The following ALG2 variants were observed in gnomAD, a reference collection of about 807,000 sequenced individuals.
ALG2 encodes the protein ALG2 alpha-1,3/1,6-mannosyltransferase.
ALG2 carries 32 observed loss-of-function variants against 30.5 expected under a neutral mutation model. The observed-to-expected ratio is 1.05, with a 90% confidence interval of 0.79 to 1.41. The LOEUF (loss-of-function observed/expected upper bound fraction) is 1.41, where lower values mean the gene tolerates loss of function less well. ALG2 is among the 40% of genes most tolerant of loss of function. The pLI is 0.00. For synonymous variants in ALG2, 253 were observed against 224.8 expected (o/e 1.13, Z -1.12); for missense variants, 574 against 526.4 (o/e 1.09, Z -0.88).
intron 1 of ALG2, 55 bp downstream of exon 1, chr9:99,221,492 G>A (rs1282344571): frequency 6.6e-7 from 1 of 1,519,820 alleles, no homozygotes; most frequent in Non-Finnish European, 8.8e-7. Context: ...CATGCCCGCG[G>A]CCGCCCTCCA....
In ALG2 at chr9:99,218,498, G is replaced by A. The variant is rs762613857; in HGVS notation, c.687C>T (p.Leu229=). 86 of 1,614,058 alleles carry A rather than the reference G, an allele frequency of 5.3e-5. No individual in the cohort carries two copies. The highest frequency in any genetic ancestry group is 8.3e-5 in the Admixed American group (5 of 60,002). ...TCTTCCTTTCGTATCTGTTGATGGAGAGCAGCAGGAATTTTTTCCCCTTGG... is the reference window on the plus strand; with the variant it reads ...TCTTCCTTTCGTATCTGTTGATGGAAAGCAGCAGGAATTTTTTCCCCTTGG... The part of the protein sequence containing the change: ...LVPKGKKFLL[L]SINRYERKKN... Residue 229 remains leucine (L), a synonymous_variant, in exon 2 of 2, where the codon CTC becomes CTT. Transcript: ENST00000476832.
At chr9:99,221,159 A>AT (rs777029791) in intron 1 of ALG2, 1 of 1,368,048 alleles carries the variant, frequency 7.3e-7, no homozygotes, top group Non-Finnish European at 9.7e-7. Context: ...GTCAACAAAA[A>AT]TAACAGGTAA....
intron 1 of ALG2, among the ~76,000 whole-genome samples, chr9:99,220,516 G>GA (rs1828774486): frequency 6.6e-6 from 1 of 152,034 alleles, no homozygotes. Flanking sequence ...ACTAAAAATA[G>GA]AAAAAATTAG....
At position 99,221,924 on chromosome 9, in the gene ALG2, C is replaced by T. The variant is rs376303957; in HGVS notation, c.-30G>A. On this transcript the variant is annotated 5_prime_UTR_variant, in exon 1 of 2. Transcript: ENST00000476832. The stretch of plus-strand genomic sequence containing the variant: ...CTGGAGCCGCAACTGCACCCCGCAC[C>T]CTGATGGGGGTCTTCTGCGCAAGCT... 4.5e-6 allele frequency: 7 copies of T among 1,560,084 alleles called. No individual in the cohort carries two copies. Among genetic ancestry groups the T allele is most frequent in the Middle Eastern group, 2.2e-4 (1 of 4,624 alleles).
Position 99,216,978 on chromosome 9 carries a change from T to C in ALG2, c.*956A>G. ...AGACCAACAGGTAAACAGTGAACTA[T>C]AAGTCAGTGTCACGAAAATATCAGT... On this transcript the variant is annotated 3_prime_UTR_variant, in exon 2 of 2. Transcript: ENST00000476832. The C allele has an allele frequency of 2.2e-6, 1 of 454,120 alleles. No individual in the cohort carries two copies. The highest frequency in any genetic ancestry group is 4.4e-6 in the Non-Finnish European group (1 of 226,800). The allele number at this position is 454,120 out of a possible 1,614,324, so 28.1% of individuals were successfully genotyped here. A position where few individuals can be genotyped will look rare whatever the true frequency, so the allele number is the denominator to read the frequency against.
At chr9:99,220,934 G>C (rs1828786158) in intron 1 of ALG2, 2 of 1,329,368 alleles carry the variant, frequency 1.5e-6, no homozygotes, top group Non-Finnish European at 2.0e-6. Context: ...ACGAAGGAAA[G>C]AGTCAAGAAT....
intron 1 of ALG2, 141 bp downstream of exon 1, chr9:99,221,406 C>T (rs1426977530): frequency 9.8e-7 from 1 of 1,021,064 alleles, no homozygotes; most frequent in Admixed American, 2.4e-5. Context: ...ACCACAGGCT[C>T]GCTCACAACC....
intron 1 of ALG2, among the ~76,000 whole-genome samples, chr9:99,220,463 G>C (rs746823180): frequency 5.9e-5 from 9 of 152,118 alleles, no homozygotes; most frequent in Non-Finnish European, 8.8e-5. Context: ...GCGAGGTCAG[G>C]AGTTCGAGAC....
chr9:99,221,148 A>G (rs1268380582), intron 1 of ALG2: 1 of 1,359,402 alleles, frequency 7.4e-7, no homozygotes. Context: ...CTGAAAGGAG[A>G]GTCAACAAAA....
chr9:99,221,225 T>C, intron 1 of ALG2: 1 of 1,265,266 alleles, frequency 7.9e-7, no homozygotes, highest in East Asian at 2.9e-5. Flanking sequence ...AGCTGACTTC[T>C]AATACCAGCG....
chr9:99,219,139 A>G (rs903689397), intron 1 of ALG2, among the ~76,000 whole-genome samples: 6 of 152,370 alleles, frequency 3.9e-5, no homozygotes, highest in Admixed American at 6.5e-5. Flanking sequence ...TAATTTTAAC[A>G]TATTATTTAC....
In ALG2 at chr9:99,221,867, C is replaced by T. The variant is rs769169852; in HGVS notation, c.28G>A (p.Asp10Asn). MAEEQGRER[D>N]SVPKPSVLFL... Reference sequence around the variant, plus strand: ...AGCACCGACGGCTTGGGAACCGAGTCCCGTTCCCGGCCCTGCTCCTCCGCC... The same window carrying T: ...AGCACCGACGGCTTGGGAACCGAGTTCCGTTCCCGGCCCTGCTCCTCCGCC... The change falls in exon 1 of 2, where the codon GAC (aspartate) becomes AAC (asparagine). Residue 10 changes from aspartate to asparagine, a missense_variant. By Grantham distance (23) the Asp-to-Asn change is conservative. Coordinates refer to ENST00000476832, the MANE Select transcript of ALG2 (RefSeq NM_033087.4). The T allele has an allele frequency of 2.7e-5, 43 of 1,591,162 alleles. No individual in the cohort carries two copies. The highest frequency in any genetic ancestry group is 3.5e-5 in the Non-Finnish European group (41 of 1,176,116).
Position 99,217,941 on chromosome 9 carries a change from A to G in ALG2, c.1244T>C (p.Leu415Pro). 6.2e-7 allele frequency: 1 copy of G among 1,614,244 alleles called. No homozygotes were observed. ...EQLYRYVTKL[L>P]V ...ATCTTAAAAACAATCTGATTATACC[A>G]GCAGTTTGGTAACATATCGGTAGAG... Residue 415 changes from leucine to proline, a missense_variant, in exon 2 of 2, where the codon CTG becomes CCG. By Grantham distance (98) the Leu-to-Pro change is moderately conservative. Coordinates refer to ENST00000476832, the MANE Select transcript of ALG2 (RefSeq NM_033087.4).
In ALG2 at chr9:99,217,837, T is replaced by A; in HGVS notation, c.*97A>T. The A allele has an allele frequency of 7.4e-7, 1 of 1,346,744 alleles. No homozygotes were observed. The highest frequency in any genetic ancestry group is 1.1e-6 in the Non-Finnish European group (1 of 944,972). 83.4% of individuals were successfully genotyped at this position (1,346,744 alleles called of 1,614,324 possible). A position where few individuals can be genotyped will look rare whatever the true frequency, so the allele number is the denominator to read the frequency against. On this transcript the variant is annotated 3_prime_UTR_variant, in exon 2 of 2. Coordinates refer to ENST00000476832, the MANE Select transcript of ALG2 (RefSeq NM_033087.4). The stretch of plus-strand genomic sequence containing the variant: ...AGACTCAAGTTTATTTTTTAAAAGA[T>A]CTCTTCTGCATTAGATTCTAGGTTT...
At position 99,216,945 on chromosome 9, in the gene ALG2, T is replaced by C. The variant is rs537194394; in HGVS notation, c.*989A>G. 1,182 of 454,132 alleles carry C rather than the reference T, an allele frequency of 2.6e-3. 23 individuals carry two copies. Among genetic ancestry groups the C allele is most frequent in the South Asian group, 0.018 (1,154 of 64,480 alleles). 28.1% of individuals were successfully genotyped at this position (454,132 alleles called of 1,614,324 possible). A position where few individuals can be genotyped will look rare whatever the true frequency, so the allele number is the denominator to read the frequency against. On this transcript the variant is annotated 3_prime_UTR_variant, in exon 2 of 2. Transcript: ENST00000476832. The stretch of plus-strand genomic sequence containing the variant: ...TATGTTGAAAACTACTGTTTATGAT[T>C]TGCTGTTAGACCAACAGGTAAACAG...
chr9:99,218,474 C>T lies in ALG2; in HGVS notation c.711G>A (p.Lys237=), dbSNP rs267602052. Residue 237 remains lysine (K), a synonymous_variant, in exon 2 of 2, where the codon AAG becomes AAA. Transcript: ENST00000476832. ...LLLSINRYER[K]KNLTLALEAL... is the part of the protein sequence containing the mutation. ...CTTCCAGTGCCAAAGTCAGATTTTT[C>T]TTCCTTTCGTATCTGTTGATGGAGA... 4 of 1,614,224 alleles carry T rather than the reference C, an allele frequency of 2.5e-6. No homozygotes were observed. The South Asian group carries it at 3.3e-5, about 13-fold the overall frequency.
rs1032970344 is a variant in ALG2, at chr9:99,221,534, G to C, written c.348+13C>G. 6.5e-7 allele frequency: 1 copy of C among 1,541,772 alleles called. No homozygotes were observed. The highest frequency in any genetic ancestry group is 2.0e-5 in the Admixed American group (1 of 50,926). ...GGTCCGCACTCGCGCAGCCGGCCCC[G>C]CGGCCGCCTCACCTGGTCGCACACT... On this transcript the variant is annotated intron_variant, in intron 1 of 1. Transcript: ENST00000476832.
At position 99,218,218 on chromosome 9, in the gene ALG2, T is replaced by C; in HGVS notation, c.967A>G (p.Ser323Gly). The part of the protein sequence containing the change: ...HSCTCVLYTP[S>G]NEHFGIVPLE... ...GGGACAATGCCAAAGTGCTCATTGCTTGGTGTGTAAAGCACACACGTGCAG... is the reference window on the plus strand; with the variant it reads ...GGGACAATGCCAAAGTGCTCATTGCCTGGTGTGTAAAGCACACACGTGCAG... Residue 323 changes from serine (S) to glycine (G), a missense_variant, in exon 2 of 2, where the codon AGC (serine) becomes GGC (glycine). Transcript: ENST00000476832. 1 of 1,614,256 alleles carries C rather than the reference T, an allele frequency of 6.2e-7. No homozygotes were observed. Among genetic ancestry groups the C allele is most frequent in the Non-Finnish European group, 8.5e-7 (1 of 1,180,042 alleles).
intron 1 of ALG2, chr9:99,221,056 C>T: frequency 7.4e-7 from 1 of 1,355,168 alleles, no homozygotes; most frequent in South Asian, 1.1e-5. Context: ...ATGATATATT[C>T]AGCTTGGCGT....
Sources: gnomAD v4.1 joint callset for allele counts (sites outside exome capture counted in the v4.1 genomes callset) on GRCh38, gnomAD v4.1.1 for gene constraint, MANE v1.5 for transcripts, NCBI Gene and HGNC (gene_info 2026-07-23, HGNC 2026-07-21) for gene names.